GGTA1: variants seen among roughly 807,000 people sequenced by gnomAD.
GGTA1 encodes glycoprotein alpha-galactosyltransferase 1 (inactive), also known as inactive N-acetyllactosaminide alpha-1,3-galactosyltransferase.
A neutral mutation model predicts 2.6 loss-of-function variants in GGTA1; 5 were observed. The ratio of observed to expected loss-of-function variants is 1.92; its 90% CI spans 1.00 to 4.04. GGTA1 has a LOEUF of 4.04. GGTA1 is among the 30% of genes most tolerant of loss of function. The pLI is 0.00. For synonymous variants in GGTA1, 17 were observed against 5.0 expected, an observed-to-expected ratio of 3.38 and a Z score of -3.19; for missense variants, 50 against 16.7, an observed-to-expected ratio of 2.99 and a Z score of -3.47.
chr9:121,496,731 CAAAAAA>C (rs772847384), intron 1 of GGTA1, among the ~76,000 whole-genome samples: 96 of 31,198 alleles, frequency 3.1e-3, no homozygotes, highest in South Asian at 3.7e-3. Context: ...GGCTCCATCT[CAAAAAA>C]AAAAAAAAAA....
At chr9:121,471,778 G>A (rs12379946) in intron 1 of GGTA1, among the ~76,000 whole-genome samples, 33,040 of 152,170 alleles carry the variant, frequency 0.22, 4,272 homozygotes, top group Middle Eastern at 0.3. Context: ...CCCCAGACCC[G>A]TGGCAAAGTC....
chr9:121,494,538 A>C, intron 1 of GGTA1: 1 of 152,274 alleles, frequency 6.6e-6, no homozygotes, highest in East Asian at 1.9e-4. Context: ...GGTGGCTCAC[A>C]CCTACCATCC....
intron 1 of GGTA1, among the ~76,000 whole-genome samples, chr9:121,477,192 A>G (rs1003930913): frequency 6.6e-6 from 1 of 152,246 alleles, no homozygotes; most frequent in African/African-American, 2.4e-5. Context: ...CAAATGACTT[A>G]GAGAAGTGGC....
rs1311909234 is a variant in GGTA1, at chr9:121,479,195, A to G, written c.-9-11264T>C. ...GATCCACCCGTGACCCCAGCATGGC[A>G]GAAGCAAATCATTTCACCATCTCAC... On this transcript the variant is annotated intron_variant, in intron 1 of 5. Transcript: ENST00000481799. 6.9e-6 allele frequency: 3 copies of G among 437,700 alleles called. No homozygotes were observed. The East Asian group carries it at 2.1e-4, about 31-fold the overall frequency. 27.1% of individuals were successfully genotyped at this position (437,700 alleles called of 1,614,324 possible). A position where few individuals can be genotyped will look rare whatever the true frequency, so the allele number is the denominator to read the frequency against.
intron 2 of GGTA1, among the ~76,000 whole-genome samples, chr9:121,466,334 G>T (rs2065004882): frequency 6.6e-6 from 1 of 152,156 alleles, no homozygotes; most frequent in African/African-American, 2.4e-5. Flanking sequence ...TCAGCCCTCA[G>T]TTGCCTAAGA....
chr9:121,493,748 C>CTT (rs35465171), intron 1 of GGTA1, among the ~76,000 whole-genome samples: 4 of 36,624 alleles, frequency 1.1e-4, no homozygotes, highest in South Asian at 1.5e-3. Context: ...GACTCACTCT[C>CTT]TTTTTTTTTT....
chr9:121,490,135 C>T (rs578257945), intron 1 of GGTA1, among the ~76,000 whole-genome samples: 37 of 152,292 alleles, frequency 2.4e-4, no homozygotes, highest in African/African-American at 7.7e-4. Context: ...CTCTTTCCCT[C>T]GAGGACATAA....
At chr9:121,458,305 G>C (rs899386268) in intron 5 of GGTA1, among the ~76,000 whole-genome samples, 6 of 151,920 alleles carry the variant, frequency 3.9e-5, no homozygotes, top group Admixed American at 3.9e-4. Context: ...ACTTAAATTT[G>C]GTGCCACTTC....
intron 1 of GGTA1, among the ~76,000 whole-genome samples, chr9:121,472,203 G>A (rs1828405199): frequency 6.6e-6 from 1 of 152,206 alleles, no homozygotes; most frequent in Non-Finnish European, 1.5e-5. Flanking sequence ...ATTTTATTAT[G>A]TGGTGCTGCT....
chr9:121,473,815 G>A (rs1225387445), intron 1 of GGTA1, among the ~76,000 whole-genome samples: 2 of 152,094 alleles, frequency 1.3e-5, no homozygotes, highest in African/African-American at 4.8e-5. Flanking sequence ...TATTGGGGAA[G>A]CTGAGGTAGG....
In GGTA1 at chr9:121,455,364, T is replaced by C. The variant is rs1437303757; in HGVS notation, c.*473A>G. 2.0e-5 allele frequency: 3 copies of C among 152,510 alleles called. No homozygotes were observed. The allele number at this position is 152,510 out of a possible 1,614,324, so 9.4% of individuals were successfully genotyped here. A position where few individuals can be genotyped will look rare whatever the true frequency, so the allele number is the denominator to read the frequency against. ...CCACTAGCTAAGTCTTGTAAATGTG[T>C]ATAAGCTGGACATTTGGTAATATTA... On this transcript the variant is annotated 3_prime_UTR_variant, in exon 6 of 6. Coordinates refer to ENST00000481799, the MANE Select transcript of GGTA1 (RefSeq NM_001382585.1).
chr9:121,495,275 G>C (rs1828968060), intron 1 of GGTA1, among the ~76,000 whole-genome samples: 1 of 152,034 alleles, frequency 6.6e-6, no homozygotes, highest in Non-Finnish European at 1.5e-5. Context: ...GCCAGGCATG[G>C]TGGCTCATGC....
intron 7 of GGTA1, among the ~76,000 whole-genome samples, chr9:121,450,029 T>C (rs1188338474): frequency 6.6e-6 from 1 of 152,186 alleles, no homozygotes; most frequent in Non-Finnish European, 1.5e-5. Context: ...TTTAATGTGC[T>C]GATCACACTA....
At chr9:121,497,828 A>C (rs577084550) in intron 1 of GGTA1, among the ~76,000 whole-genome samples, 2 of 152,318 alleles carry the variant, frequency 1.3e-5, no homozygotes, top group African/African-American at 4.8e-5. Flanking sequence ...TTCTCCCAGA[A>C]GGGCCAGAAG....
At chr9:121,498,401 AGTGCCTGAT>A (rs1335511859) in intron 1 of GGTA1, among the ~76,000 whole-genome samples, 1 of 152,244 alleles carries the variant, frequency 6.6e-6, no homozygotes, top group Admixed American at 6.5e-5. Flanking sequence ...AGAGGTAGAA[AGTGCCTGAT>A]GTAGTCAAAG....
intron 1 of GGTA1, among the ~76,000 whole-genome samples, chr9:121,496,890 C>T (rs965762994): frequency 2.0e-5 from 3 of 151,886 alleles, no homozygotes; most frequent in African/African-American, 4.8e-5. Context: ...AAATCAAACA[C>T]GTAAGATTTG....
intron 5 of GGTA1, among the ~76,000 whole-genome samples, chr9:121,458,189 C>T (rs923694646): frequency 6.6e-6 from 1 of 151,322 alleles, no homozygotes; most frequent in Non-Finnish European, 1.5e-5. Context: ...GGATTACAGG[C>T]GTGAGCCAAA....
At chr9:121,486,223 C>A (rs79928110) in intron 1 of GGTA1, among the ~76,000 whole-genome samples, 1 of 152,294 alleles carries the variant, frequency 6.6e-6, no homozygotes, top group Admixed American at 6.5e-5. Context: ...GACAGGAGAA[C>A]AGTGTTTTTG....
chr9:121,496,426 T>G (rs1828993301), intron 1 of GGTA1, among the ~76,000 whole-genome samples: 1 of 151,902 alleles, frequency 6.6e-6, no homozygotes, highest in African/African-American at 2.4e-5. Flanking sequence ...CTCTTAAAAT[T>G]CAATCGTAAA....
Sources: allele counts gnomAD v4.1 joint callset (sites outside exome capture counted in the v4.1 genomes callset), GRCh38; gene constraint gnomAD v4.1.1; transcripts MANE v1.5; gene names NCBI Gene and HGNC (gene_info 2026-07-23, HGNC 2026-07-21).